The following CNOT1 variants were observed in gnomAD, a reference collection of about 807,000 sequenced individuals.
CNOT1 encodes the protein CCR4-associated factor 1.
CNOT1 carries 15 observed loss-of-function variants against 273.8 expected under a neutral mutation model. The observed-to-expected ratio is 0.05, with a 90% CI of 0.04 to 0.08. CNOT1 has a LOEUF of 0.08. Among genes scored for constraint, CNOT1 ranks in the 10% least tolerant of loss-of-function variants. CNOT1 has a pLI of 1.00. For missense variants in CNOT1, 1,644 were observed against 2,912.2 expected, an observed-to-expected ratio of 0.56 and a Z score of 10.02; for synonymous variants, 1,022 against 1,005.5, an observed-to-expected ratio of 1.02 and a Z score of -0.31.
At chr16:58,564,077 A>T (rs1272199500) in intron 16 of CNOT1, among the ~76,000 whole-genome samples, 1 of 152,218 alleles carries the variant, frequency 6.6e-6, no homozygotes, top group Non-Finnish European at 1.5e-5. Flanking sequence ...GAACTCTAGG[A>T]TATAAGATCA....
intron 25 of CNOT1, among the ~76,000 whole-genome samples, chr16:58,548,977 A>G (rs1264689781): frequency 2.0e-5 from 3 of 152,200 alleles, no homozygotes; most frequent in African/African-American, 4.8e-5. Context: ...CTACAAGACT[A>G]TATTTTTCTG....
At chr16:58,567,196 A>C (rs1358480563) in intron 16 of CNOT1, among the ~76,000 whole-genome samples, 1 of 152,192 alleles carries the variant, frequency 6.6e-6, no homozygotes, top group Non-Finnish European at 1.5e-5. Context: ...AAGGCTGAGC[A>C]TAGGTGGCTT....
At chr16:58,623,557 A>T (rs2043437853) in intron 1 of CNOT1, 1 of 152,222 alleles carries the variant, frequency 6.6e-6, no homozygotes, top group African/African-American at 2.4e-5. Flanking sequence ...CCTCCATAAA[A>T]GCCCATAAAT....
chr16:58,533,199 A>G (rs1176202891), intron 40 of CNOT1: 2 of 152,290 alleles, frequency 1.3e-5, no homozygotes, highest in Non-Finnish European at 2.9e-5. Context: ...GAAAAGAGAC[A>G]TTAACAAAAT....
chr16:58,538,846 G>A lies in CNOT1; in HGVS notation c.5061C>T (p.Cys1687=). ...GCAGAGCTTTTAGGACCAAGAGGTG[G>A]CATTCCCTGTAGCGCAGCAGAAGGT... ...DADLLLRYRE[C]HLLVLKALQD... Residue 1687 remains cysteine, a synonymous_variant, in exon 36 of 49, where the codon TGC becomes TGT. Transcript: ENST00000317147. The A allele has an allele frequency of 6.2e-7, 1 of 1,611,448 alleles. No individual in the cohort carries two copies. The highest frequency in any genetic ancestry group is 8.5e-7 in the Non-Finnish European group (1 of 1,179,602).
intron 48 of CNOT1, 34 bp from the exon 49 acceptor site, chr16:58,521,070 A>C: frequency 6.2e-7 from 1 of 1,613,982 alleles, no homozygotes; most frequent in Non-Finnish European, 8.5e-7. Context: ...ATCTCTGATT[A>C]AAGAGTAGGC....
At chr16:58,565,453 C>T (rs887408026) in intron 16 of CNOT1, among the ~76,000 whole-genome samples, 1 of 152,130 alleles carries the variant, frequency 6.6e-6, no homozygotes, top group Non-Finnish European at 1.5e-5. Flanking sequence ...CATTTTCCTA[C>T]ATAGCCATGT....
Position 58,547,462 on chromosome 16 carries a change from A to G in CNOT1, c.3639+104T>C. On this transcript the variant is annotated intron_variant, in intron 26 of 48. Coordinates refer to ENST00000317147, the MANE Select transcript of CNOT1 (RefSeq NM_016284.5). This position sits in a 1 kb window ranked among gnomAD's most constrained non-coding sequence, Gnocchi z 4.0. Reference sequence around the variant, plus strand: ...TTAACAACTCAAAACGTGGGCCAAAATCTTACAAAACCCCAATAATCATTA... The same window carrying G: ...TTAACAACTCAAAACGTGGGCCAAAGTCTTACAAAACCCCAATAATCATTA... 1 of 1,514,228 alleles carries G rather than the reference A, an allele frequency of 6.6e-7. No homozygotes were observed. The highest frequency in any genetic ancestry group is 1.3e-5 in the South Asian group (1 of 76,532). 93.8% of individuals were successfully genotyped at this position (1,514,228 alleles called of 1,614,324 possible).
intron 1 of CNOT1, among the ~76,000 whole-genome samples, chr16:58,619,898 AT>A (rs1298687886): frequency 6.6e-6 from 1 of 152,044 alleles, no homozygotes; most frequent in Non-Finnish European, 1.5e-5. Flanking sequence ...AATTGCCAAG[AT>A]GTAAATAGTT....
intron 18 of CNOT1, among the ~76,000 whole-genome samples, chr16:58,557,974 G>A (rs1437217534): frequency 1.3e-5 from 2 of 151,962 alleles, no homozygotes; most frequent in South Asian, 2.1e-4. Context: ...TGGGCAACAA[G>A]AGCGAAACCC....
chr16:58,574,171 G>C (rs1481773501), intron 16 of CNOT1, among the ~76,000 whole-genome samples: 4 of 151,958 alleles, frequency 2.6e-5, no homozygotes, highest in Admixed American at 1.3e-4. Context: ...CAGGTACTTG[G>C]GAGGTTGAGG....
At chr16:58,552,115 A>G (rs148929347) in intron 22 of CNOT1, among the ~76,000 whole-genome samples, 147 of 152,306 alleles carry the variant, frequency 9.7e-4, no homozygotes, top group African/African-American at 3.4e-3. Flanking sequence ...AAAAGTCTTA[A>G]TAATTCATAC....
In CNOT1 at chr16:58,599,486, TCTTA is replaced by T. The variant is rs2042387744; in HGVS notation, c.-153_-150del. 1.1e-6 allele frequency: 1 copy of T among 893,418 alleles called. No individual in the cohort carries two copies. Among genetic ancestry groups the T allele is most frequent in the Non-Finnish European group, 1.6e-6 (1 of 607,248 alleles). 55.3% of individuals were successfully genotyped at this position (893,418 alleles called of 1,614,324 possible). ...ATCTTCAGTTCTTCTTTACCAGGGGTCTTACTCTGTTCTGAAACATGGCACCTGT... is the reference window on the plus strand; with the variant it reads ...ATCTTCAGTTCTTCTTTACCAGGGGTCTCTGTTCTGAAACATGGCACCTGT... On this transcript the variant is annotated 5_prime_UTR_variant, in exon 2 of 49. It introduces an in-frame stop codon into an upstream open reading frame of the 5' UTR. Transcript: ENST00000317147.
chr16:58,549,290 A>G (rs1294920316), intron 25 of CNOT1, among the ~76,000 whole-genome samples: 2 of 125,080 alleles, frequency 1.6e-5, no homozygotes, highest in African/African-American at 6.7e-5. Flanking sequence ...ACATCTCAAA[A>G]AAATTGAAAA....
At chr16:58,622,462 A>G (rs2043385117) in intron 1 of CNOT1, among the ~76,000 whole-genome samples, 1 of 152,050 alleles carries the variant, frequency 6.6e-6, no homozygotes, top group Non-Finnish European at 1.5e-5. Flanking sequence ...TCTAAAAAAT[A>G]AAATCAATTA....
chr16:58,530,867 T>C (rs1057412611), intron 42 of CNOT1, among the ~76,000 whole-genome samples: 2 of 150,574 alleles, frequency 1.3e-5, no homozygotes, highest in African/African-American at 4.9e-5. Flanking sequence ...TAGTGGGAAA[T>C]AATATTTGAA....
chr16:58,543,646 T>C lies in CNOT1; in HGVS notation c.4395A>G (p.Ile1465Met). Residue 1465 changes from isoleucine (I) to methionine (M), a missense_variant, in exon 31 of 49, where the codon ATA becomes ATG. Ile to Met is a conservative substitution (Grantham distance 10). Around this residue, in one of 13 missense-constraint regions of CNOT1, gnomAD observed 133 missense variants for 230.4 expected, o/e 0.58. Transcript: ENST00000317147. The part of the protein sequence containing the change: ...ITCREPLLMS[I>M]STNLKNSFAS... Reference sequence around the variant, plus strand: ...CAAAACTGTTTTTTAAGTTGGTAGATATGCTCATGAGCAAAGGTTCCCTGC... The same window carrying C: ...CAAAACTGTTTTTTAAGTTGGTAGACATGCTCATGAGCAAAGGTTCCCTGC... 1.2e-6 allele frequency: 2 copies of C among 1,614,230 alleles called. No individual in the cohort carries two copies. Among genetic ancestry groups the C allele is most frequent in the Non-Finnish European group, 1.7e-6 (2 of 1,180,032 alleles).
intron 1 of CNOT1, among the ~76,000 whole-genome samples, chr16:58,610,430 G>A (rs973106669): frequency 1.1e-4 from 16 of 151,806 alleles, no homozygotes; most frequent in African/African-American, 2.7e-4. Context: ...TAGGCCAGGC[G>A]CGGTAGCTCA....
At position 58,588,785 on chromosome 16, in the gene CNOT1, T is replaced by C. The variant is rs1422357111; in HGVS notation, c.210+14A>G. 1 of 1,612,092 alleles carries C rather than the reference T, an allele frequency of 6.2e-7. No individual in the cohort carries two copies. The highest frequency in any genetic ancestry group is 1.1e-5 in the South Asian group (1 of 90,630). On this transcript the variant is annotated intron_variant, in intron 3 of 48. Transcript: ENST00000317147. The stretch of plus-strand genomic sequence containing the variant: ...TACAGCTAAGTGGACATGAACTCTG[T>C]AAGCCCCAAATACCTGATGGAAATC...
Sources: allele counts gnomAD v4.1 joint callset (sites outside exome capture counted in the v4.1 genomes callset), GRCh38; gene constraint gnomAD v4.1.1; regional missense constraint gnomAD v4.1.1; non-coding constraint Gnocchi (gnomAD v3.1); transcripts MANE v1.5; gene names NCBI Gene and HGNC (gene_info 2026-07-23, HGNC 2026-07-21).